Variants in STK32B observed in about 807,000 individuals in gnomAD.
STK32B encodes the protein serine/threonine-protein kinase 32B.
A neutral mutation model predicts 52.6 loss-of-function variants in STK32B; 43 were observed. That is an observed-to-expected ratio of 0.82 (90% CI 0.64 to 1.05). STK32B has a LOEUF of 1.05. Ranked by LOEUF, STK32B falls within the 50% of genes least tolerant of loss-of-function variation. The pLI, the probability that STK32B is intolerant of heterozygous loss-of-function variation, is 0.00. For synonymous variants in STK32B, 238 were observed against 204.3 expected (o/e 1.17, Z -1.41); for missense variants, 621 against 534.6 (o/e 1.16, Z -1.59).
chr4:5,075,453 A>C (rs1177826221), intron 1 of STK32B, among the ~76,000 whole-genome samples: 1 of 152,072 alleles, frequency 6.6e-6, no homozygotes, highest in Non-Finnish European at 1.5e-5. Flanking sequence ...AATGTTTCTC[A>C]ATCTTTTTGC....
chr4:5,391,287 A>G (rs1397435007), intron 4 of STK32B, among the ~76,000 whole-genome samples: 3 of 152,098 alleles, frequency 2.0e-5, no homozygotes, highest in Non-Finnish European at 2.9e-5. Flanking sequence ...TAAAGACACC[A>G]GTCACTGGAT....
At chr4:5,116,435 A>C (rs1714719497) in intron 1 of STK32B, among the ~76,000 whole-genome samples, 1 of 152,184 alleles carries the variant, frequency 6.6e-6, no homozygotes, top group Admixed American at 6.5e-5. Context: ...ATATACCTAC[A>C]TCTGTGGAAT....
chr4:5,463,623 TCA>T (rs1162636797), intron 9 of STK32B, among the ~76,000 whole-genome samples: 4 of 151,652 alleles, frequency 2.6e-5, no homozygotes, highest in Non-Finnish European at 5.9e-5. Context: ...ACACACACCT[TCA>T]CACACATGCA....
At chr4:5,034,476 G>A in the STK32B span, among the ~76,000 whole-genome samples, 2 of 152,158 alleles carry the variant, frequency 1.3e-5, no homozygotes, top group South Asian at 2.1e-4. Flanking sequence ...TTTGATGAAG[G>A]AATAGCAGAA....
At chr4:5,192,708 A>G (rs1721315850) in intron 3 of STK32B, among the ~76,000 whole-genome samples, 1 of 150,150 alleles carries the variant, frequency 6.7e-6, no homozygotes. Flanking sequence ...ACCACCTCAC[A>G]CAGTCACCTT....
chr4:5,387,804 G>GCT (rs1736351613), intron 4 of STK32B, among the ~76,000 whole-genome samples: 1 of 152,130 alleles, frequency 6.6e-6, no homozygotes, highest in Admixed American at 6.5e-5. Flanking sequence ...GAGTGCAATG[G>GCT]CACAACCTTG....
intron 3 of STK32B, among the ~76,000 whole-genome samples, chr4:5,290,075 T>A (rs1503307): frequency 0.11 from 16,660 of 152,090 alleles, 948 homozygotes; most frequent in South Asian, 0.16. Flanking sequence ...ATAGGTACTA[T>A]TTATTTAGCT....
intron 3 of STK32B, among the ~76,000 whole-genome samples, chr4:5,321,554 G>A (rs1005860524): frequency 6.6e-6 from 1 of 152,276 alleles, no homozygotes. Flanking sequence ...TGAACAGTAC[G>A]TGTGCCTCTC....
At chr4:5,209,493 G>T (rs891300181) in intron 3 of STK32B, among the ~76,000 whole-genome samples, 10 of 152,120 alleles carry the variant, frequency 6.6e-5, no homozygotes, top group Admixed American at 2.0e-4. Context: ...CAGAGTGCTG[G>T]GATTATAGGT....
At chr4:5,284,100 G>A (rs996935624) in intron 3 of STK32B, among the ~76,000 whole-genome samples, 1 of 152,146 alleles carries the variant, frequency 6.6e-6, no homozygotes, top group African/African-American at 2.4e-5. Flanking sequence ...AAAAGAGGGA[G>A]AGGGAGTGAA....
chr4:5,449,015 C>G (rs1457914144), intron 7 of STK32B, among the ~76,000 whole-genome samples: 1 of 152,070 alleles, frequency 6.6e-6, no homozygotes, highest in African/African-American at 2.4e-5. Context: ...GGGTAGGATC[C>G]AGGGAGCTCC....
intron 3 of STK32B, among the ~76,000 whole-genome samples, chr4:5,224,185 G>C (rs1449995229): frequency 6.6e-6 from 1 of 152,188 alleles, no homozygotes; most frequent in African/African-American, 2.4e-5. Flanking sequence ...TTGTACGTGA[G>C]AAGAATATGA....
chr4:5,070,077 G>T (rs1711662215), intron 1 of STK32B, among the ~76,000 whole-genome samples: 1 of 152,174 alleles, frequency 6.6e-6, no homozygotes, highest in Admixed American at 6.5e-5. Flanking sequence ...GAAGAAGGTG[G>T]CTCTGGCTTC....
intron 1 of STK32B, among the ~76,000 whole-genome samples, chr4:5,102,593 G>A (rs1268867630): frequency 2.0e-5 from 3 of 149,858 alleles, no homozygotes; most frequent in African/African-American, 7.4e-5. Flanking sequence ...ATGCAGTGGT[G>A]TGATCATGGC....
intron 3 of STK32B, among the ~76,000 whole-genome samples, chr4:5,312,714 C>G (rs1226000545): frequency 6.6e-6 from 1 of 151,752 alleles, no homozygotes; most frequent in Non-Finnish European, 1.5e-5. Flanking sequence ...GGTTCCAAGT[C>G]TTTGCTATTG....
At chr4:5,301,221 A>AT (rs1344990022) in intron 3 of STK32B, among the ~76,000 whole-genome samples, 1 of 152,082 alleles carries the variant, frequency 6.6e-6, no homozygotes, top group Non-Finnish European at 1.5e-5. Context: ...TATGAAGGAT[A>AT]TTGATACGTA....
chr4:5,484,004 C>T (rs1212459186), intron 11 of STK32B, among the ~76,000 whole-genome samples: 1 of 152,078 alleles, frequency 6.6e-6, no homozygotes, highest in African/African-American at 2.4e-5. Context: ...TGCTTTACTT[C>T]CAACTATGTG....
intron 1 of STK32B, among the ~76,000 whole-genome samples, chr4:5,132,593 T>G (rs371793567): frequency 3.3e-5 from 5 of 152,218 alleles, no homozygotes; most frequent in African/African-American, 1.2e-4. Flanking sequence ...CTCTGGAAGC[T>G]GAAAAGACAA....
intron 3 of STK32B, among the ~76,000 whole-genome samples, chr4:5,178,987 C>T (rs970942174): frequency 1.3e-5 from 2 of 152,188 alleles, no homozygotes; most frequent in African/African-American, 4.8e-5. Flanking sequence ...GCCTTACTGC[C>T]TCGGTACCAA....
Sources: allele counts gnomAD v4.1 joint callset (sites outside exome capture counted in the v4.1 genomes callset), GRCh38; gene constraint gnomAD v4.1.1; transcripts MANE v1.5; gene names NCBI Gene and HGNC (gene_info 2026-07-23, HGNC 2026-07-21).